The following PRR12 variants were observed in gnomAD, a reference collection of about 807,000 sequenced individuals.
The protein encoded by PRR12 is proline rich 12, also known as proline-rich protein 12.
In PRR12, 12 loss-of-function variants were observed where a neutral mutation model predicts 138.0. The observed-to-expected ratio is 0.09, with a 90% CI of 0.06 to 0.14. The LOEUF is 0.14. Among genes scored for constraint, PRR12 ranks in the 10% least tolerant of loss-of-function variants. The pLI, the probability that PRR12 is intolerant of heterozygous loss-of-function variation, is 1.00. For synonymous variants in PRR12, 1,567 were observed against 1,291.7 expected (o/e 1.21, Z -4.57); for missense variants, 2,692 against 2,861.3 (o/e 0.94, Z 1.35).
At chr19:49,609,665 G>A (rs1267542886) in intron 6 of PRR12, among the ~76,000 whole-genome samples, 1 of 152,010 alleles carries the variant, frequency 6.6e-6, no homozygotes, top group Non-Finnish European at 1.5e-5. Flanking sequence ...CCAGGCAGAG[G>A]AAACAGCTGT....
intron 6 of PRR12, among the ~76,000 whole-genome samples, chr19:49,613,322 C>T (rs1430100397): frequency 7.1e-6 from 1 of 140,972 alleles, no homozygotes; most frequent in Non-Finnish European, 1.5e-5. Flanking sequence ...CTGACTGAGG[C>T]TCCATCTCAA....
rs748705077 is a variant in PRR12, at chr19:49,620,492, G to A, written c.5623+15G>A. On this transcript the variant is annotated intron_variant, in intron 10 of 13. Coordinates refer to ENST00000418929, the MANE Select transcript of PRR12 (RefSeq NM_020719.3). ...GGACACGCATGGTGAGCTGAGGCCTGGGGAGGAGGGGGGGGGGCTGACTCG... is the reference window on the plus strand; with the variant it reads ...GGACACGCATGGTGAGCTGAGGCCTAGGGAGGAGGGGGGGGGGCTGACTCG... 1.3e-6 allele frequency: 2 copies of A among 1,552,358 alleles called. No homozygotes were observed. The highest frequency in any genetic ancestry group is 1.2e-5 in the South Asian group (1 of 84,278).
rs199972284 is a variant in PRR12 at position 49,597,635 on chromosome 19, G to A, written c.3300G>A (p.Glu1100=). 2.3e-4 allele frequency: 370 copies of A among 1,609,522 alleles called. 1 individual carries two copies. The African/African-American group carries it at 3.1e-3, about 13-fold the overall frequency. The change falls in exon 4 of 14, where the codon GAG becomes GAA. Residue 1100 remains glutamate (E), a synonymous_variant. Coordinates refer to ENST00000418929, the MANE Select transcript of PRR12 (RefSeq NM_020719.3). This position sits in a 1 kb window ranked among gnomAD's most constrained non-coding sequence, Gnocchi z 6.3. ...AGAAGCTGTACGCCCAGGAGTACGA[G>A]TTCGAGGCGGACGAGGACAAGGCCG... The part of the protein sequence containing the change: ...TPKKLYAQEY[E]FEADEDKADV...
intron 9 of PRR12, among the ~76,000 whole-genome samples, chr19:49,617,683 G>T (rs949033993): frequency 6.6e-6 from 1 of 152,160 alleles, no homozygotes; most frequent in Non-Finnish European, 1.5e-5. Flanking sequence ...GCACCAAGAG[G>T]TGATGGTACC....
At position 49,593,485 on chromosome 19, in the gene PRR12, C is replaced by T. The variant is rs781208962; in HGVS notation, c.199+46C>T. 15 of 858,634 alleles carry T rather than the reference C, an allele frequency of 1.7e-5. No homozygotes were observed. In the East Asian group the frequency reaches 3.0e-4, roughly 17 times the overall value. The allele number at this position is 858,634 out of a possible 1,614,324, so 53.2% of individuals were successfully genotyped here. On this transcript the variant is annotated intron_variant, in intron 2 of 13. Transcript: ENST00000418929. ...CGCTTTGGGCTGGCCCTCCCCCTCC[C>T]CCCGAGGCAGCTGATTGGCTGTTGA... is the stretch of plus-strand genomic sequence containing the variant.
intron 11 of PRR12, among the ~76,000 whole-genome samples, chr19:49,622,928 TAGAGAG>T (rs1312571676): frequency 0.12 from 9,654 of 77,644 alleles, 549 homozygotes; most frequent in Non-Finnish European, 0.16. Flanking sequence ...TATATATATA[TAGAGAG>T]AGAGAGAGAG....
chr19:49,601,651 G>GCCGCCA lies in PRR12; in HGVS notation c.4509_4514dup (p.Pro1506_Pro1507dup). ...GCTCACCACCGCCACCGCCGCTGCC[G>GCCGCCA]CCGCCACCTCCACCAGCCATGCCCT... is the stretch of plus-strand genomic sequence containing the variant. On this transcript the variant is annotated inframe_insertion, in exon 6 of 14. Coordinates refer to ENST00000418929, the MANE Select transcript of PRR12 (RefSeq NM_020719.3). 1.3e-6 allele frequency: 2 copies of GCCGCCA among 1,536,876 alleles called. No homozygotes were observed. Among genetic ancestry groups the GCCGCCA allele is most frequent in the Non-Finnish European group, 1.7e-6 (2 of 1,145,234 alleles).
At position 49,595,150 on chromosome 19, in the gene PRR12, C is replaced by T. The variant is rs1339208937; in HGVS notation, c.815C>T (p.Ala272Val). The T allele has an allele frequency of 1.2e-6, 2 of 1,611,406 alleles. No homozygotes were observed. The highest frequency in any genetic ancestry group is 1.1e-5 in the South Asian group (1 of 91,040). ...SPQLYNFSGAAPGPPPPERAL... is the reference protein window; with the variant it reads ...SPQLYNFSGAVPGPPPPERAL... ...CAGCTCTATAACTTCTCGGGTGCTG[C>T]CCCGGGCCCACCGCCGCCTGAGCGG... Residue 272 changes from alanine to valine, a missense_variant, in exon 4 of 14, where the codon GCC (alanine) becomes GTC (valine). Physicochemically the swap from Ala to Val is moderately conservative, Grantham distance 64. Transcript: ENST00000418929.
At position 49,625,499 on chromosome 19, in the gene PRR12, G is replaced by A. The variant is rs754828050; in HGVS notation, c.6003G>A (p.Gln2001=). The change falls in exon 14 of 14, where the codon CAG becomes CAA. Residue 2001 remains glutamine (Q), a synonymous_variant. Coordinates refer to ENST00000418929, the MANE Select transcript of PRR12 (RefSeq NM_020719.3). This position sits in a 1 kb window ranked among gnomAD's most constrained non-coding sequence, Gnocchi z 5.5. ...AIEGGAEDLG[Q]EEVVQQCMRN... ...AGGGCGGCGCCGAGGACCTGGGCCA[G>A]GAGGAGGTGGTCCAGCAGTGCATGC... 1.1e-5 allele frequency: 18 copies of A among 1,610,754 alleles called. No homozygotes were observed. The highest frequency in any genetic ancestry group is 1.5e-5 in the Non-Finnish European group (18 of 1,178,738).
Position 49,614,590 on chromosome 19 carries a change from C to A in PRR12, c.4831C>A (p.Leu1611Met). 6.4e-7 allele frequency: 1 copy of A among 1,564,352 alleles called. No homozygotes were observed. The highest frequency in any genetic ancestry group is 2.4e-5 in the East Asian group (1 of 41,804). Residue 1611 changes from leucine to methionine, a missense_variant, in exon 7 of 14, where the codon CTG becomes ATG. By Grantham distance (15) the Leu-to-Met change is conservative. Around this residue, in one of 11 missense-constraint regions of PRR12, gnomAD observed 92 missense variants for 174.1 expected, o/e 0.53. Transcript: ENST00000418929. The surrounding 1 kb of genome is among the most constrained non-coding windows in gnomAD (Gnocchi z 5.0). ...CATCTGGCGAGTCCAGAAGGCCCTT[C>A]TGCAGAAATTCACTCCGGAGATCAA... ...PPIWRVQKALLQKFTPEIKDG... is the reference protein window; with the variant it reads ...PPIWRVQKALMQKFTPEIKDG...
Position 49,596,793 on chromosome 19 carries a change from G to T in PRR12, c.2458G>T (p.Gly820Cys). 2 of 1,600,430 alleles carry T rather than the reference G, an allele frequency of 1.2e-6. No individual in the cohort carries two copies. Among genetic ancestry groups the T allele is most frequent in the East Asian group, 4.5e-5 (2 of 44,798 alleles). Residue 820 changes from glycine (G) to cysteine (C), a missense_variant, in exon 4 of 14, where the codon GGC becomes TGC. Around this residue, in one of 11 missense-constraint regions of PRR12, gnomAD observed 840 missense variants for 689.8 expected, o/e 1.22. Transcript: ENST00000418929. This position sits in a 1 kb window ranked among gnomAD's most constrained non-coding sequence, Gnocchi z 5.6. ...TCCCTCTCCCAGCGCCTCCAAAGTC[G>T]GCGTCCACCTCCTTGAGCCAGCCAC... ...PSPSPSASKVGVHLLEPATRD... is the reference protein window; with the variant it reads ...PSPSPSASKVCVHLLEPATRD...
In PRR12 at chr19:49,598,117, A is replaced by G. The variant is rs187083997; in HGVS notation, c.3678+104A>G. The G allele has an allele frequency of 1.3e-5, 16 of 1,197,304 alleles. No individual in the cohort carries two copies. The African/African-American group carries it at 1.9e-4, about 15-fold the overall frequency. The allele number at this position is 1,197,304 out of a possible 1,614,324, so 74.2% of individuals were successfully genotyped here. A position where few individuals can be genotyped will look rare whatever the true frequency, so the allele number is the denominator to read the frequency against. On this transcript the variant is annotated intron_variant, in intron 4 of 13. Coordinates refer to ENST00000418929, the MANE Select transcript of PRR12 (RefSeq NM_020719.3). ...GAGACAGAGTCTCGCTCTGTCGTCC[A>G]GGCTGGAGTGCAGTGGCACGATCTC...
intron 6 of PRR12, among the ~76,000 whole-genome samples, chr19:49,613,917 C>G (rs201047623): frequency 1.3e-5 from 2 of 151,984 alleles, no homozygotes; most frequent in African/African-American, 2.4e-5. Flanking sequence ...AAGACCAGCC[C>G]GACCAACATG....
chr19:49,600,940 G>A (rs2080806990), intron 5 of PRR12, among the ~76,000 whole-genome samples: 1 of 152,020 alleles, frequency 6.6e-6, no homozygotes, highest in African/African-American at 2.4e-5. Flanking sequence ...GGCCAGACTG[G>A]TCTCGAACTC....
Position 49,597,965 on chromosome 19 carries a change from G to A in PRR12, c.3630G>A (p.Lys1210=), listed in dbSNP as rs2080786379. 1.1e-5 allele frequency: 16 copies of A among 1,397,614 alleles called. No individual in the cohort carries two copies. Among genetic ancestry groups the A allele is most frequent in the Non-Finnish European group, 1.4e-5 (15 of 1,079,276 alleles). The allele number at this position is 1,397,614 out of a possible 1,614,324, so 86.6% of individuals were successfully genotyped here. Residue 1210 remains lysine, a synonymous_variant, in exon 4 of 14, where the codon AAG becomes AAA. Coordinates refer to ENST00000418929, the MANE Select transcript of PRR12 (RefSeq NM_020719.3). This position sits in a 1 kb window ranked among gnomAD's most constrained non-coding sequence, Gnocchi z 6.3. ...GCCGGGGCCGAGGCCGGGGTCGAAA[G>A]GCTGAGGAGGCAGGGGGCACCCGGT... ...PRGRGRGRGR[K]AEEAGGTRLE...
Position 49,601,703 on chromosome 19 carries a change from G to C in PRR12, c.4558G>C (p.Ala1520Pro). 1 of 1,540,822 alleles carries C rather than the reference G, an allele frequency of 6.5e-7. No homozygotes were observed. Among genetic ancestry groups the C allele is most frequent in the Non-Finnish European group, 8.7e-7 (1 of 1,146,330 alleles). ...PSPPPPPPPAAAPLAAPPEEP... is the reference protein window; with the variant it reads ...PSPPPPPPPAPAPLAAPPEEP... ...GCCTCCACCACCACCCCCACCAGCCGCTGCCCCACTGGCTGCTCCTCCTGA... is the reference window on the plus strand; with the variant it reads ...GCCTCCACCACCACCCCCACCAGCCCCTGCCCCACTGGCTGCTCCTCCTGA... The change falls in exon 6 of 14, where the codon GCT (alanine) becomes CCT (proline). Residue 1520 changes from alanine to proline, a missense_variant. This residue lies in a region of PRR12 where 231 missense variants were observed against 200.8 expected (regional missense o/e 1.15). Coordinates refer to ENST00000418929, the MANE Select transcript of PRR12 (RefSeq NM_020719.3).
chr19:49,593,105 C>CT (rs780114251), intron 1 of PRR12, among the ~76,000 whole-genome samples: 24 of 152,250 alleles, frequency 1.6e-4, no homozygotes, highest in Middle Eastern at 6.8e-3. Flanking sequence ...ACTATCCGGG[C>CT]TCTCTTTATT....
chr19:49,612,823 C>A (rs539569814), intron 6 of PRR12, among the ~76,000 whole-genome samples: 41 of 152,072 alleles, frequency 2.7e-4, no homozygotes, highest in African/African-American at 9.6e-4. Context: ...CACTACCACA[C>A]CTGGCTAATT....
In PRR12 at chr19:49,595,177, C is replaced by T. The variant is rs909618225; in HGVS notation, c.842C>T (p.Ala281Val). Reference protein sequence around the residue: ...AAPGPPPPERALPRQDTVIKH... With the variant: ...AAPGPPPPERVLPRQDTVIKH... ...CCGGGCCCACCGCCGCCTGAGCGGGCCCTGCCACGCCAGGACACGGTCATC... is the reference window on the plus strand; with the variant it reads ...CCGGGCCCACCGCCGCCTGAGCGGGTCCTGCCACGCCAGGACACGGTCATC... The change falls in exon 4 of 14, where the codon GCC becomes GTC. Residue 281 changes from alanine (A) to valine (V), a missense_variant. Ala to Val is a moderately conservative substitution (Grantham distance 64). Around this residue, in one of 11 missense-constraint regions of PRR12, gnomAD observed 523 missense variants for 496.4 expected, o/e 1.05. Coordinates refer to ENST00000418929, the MANE Select transcript of PRR12 (RefSeq NM_020719.3). 1.2e-6 allele frequency: 2 copies of T among 1,608,738 alleles called. No homozygotes were observed. Among genetic ancestry groups the T allele is most frequent in the Non-Finnish European group, 1.7e-6 (2 of 1,178,748 alleles).
Sources: gnomAD v4.1 joint callset for allele counts (sites outside exome capture counted in the v4.1 genomes callset) on GRCh38, gnomAD v4.1.1 for gene constraint, gnomAD v4.1.1 regional missense constraint, Gnocchi (gnomAD v3.1) non-coding constraint, MANE v1.5 for transcripts, NCBI Gene and HGNC (gene_info 2026-07-23, HGNC 2026-07-21) for gene names.